FREM2: variants seen among roughly 807,000 people sequenced by gnomAD.
FREM2 encodes FRAS1 related extracellular matrix 2, also known as FRAS1-related extracellular matrix protein 2.
FREM2 carries 119 observed loss-of-function variants against 219.9 expected under a neutral mutation model. That is an observed-to-expected ratio of 0.54 (90% CI 0.47 to 0.63). FREM2 has a LOEUF of 0.63. Ranked by LOEUF, FREM2 falls within the 30% of genes least tolerant of loss-of-function variation. The pLI, the probability that FREM2 is intolerant of heterozygous loss-of-function variation, is 0.00. For missense variants in FREM2, 4,030 were observed against 3,993.6 expected (o/e 1.01, Z -0.25); for synonymous variants, 1,562 against 1,522.8 (o/e 1.03, Z -0.60).
intron 13 of FREM2, 101 bp downstream of exon 13, chr13:38,858,134 G>A (rs1349301258): frequency 9.9e-7 from 1 of 1,011,838 alleles, no homozygotes; most frequent in Non-Finnish European, 1.5e-6. Flanking sequence ...AATGAAAGTA[G>A]AAAAATACTA....
At chr13:38,813,520 TCTC>T (rs1875606852) in intron 6 of FREM2, among the ~76,000 whole-genome samples, 1 of 5,976 alleles carries the variant, frequency 1.7e-4, no homozygotes, top group Non-Finnish European at 3.4e-4. Flanking sequence ...CTCTCTCTCC[TCTC>T]TCTCTCTCTC....
At chr13:38,849,136 CAT>C (rs1877276094) in intron 8 of FREM2, among the ~76,000 whole-genome samples, 3 of 152,174 alleles carry the variant, frequency 2.0e-5, no homozygotes, top group Non-Finnish European at 2.9e-5. Context: ...GGGATTTCAA[CAT>C]ATGAATTTGA....
chr13:38,710,711 A>T (rs1870735589), intron 2 of FREM2, among the ~76,000 whole-genome samples: 1 of 152,242 alleles, frequency 6.6e-6, no homozygotes, highest in Non-Finnish European at 1.5e-5. Flanking sequence ...AGTCATAAAT[A>T]AATGTAAAGC....
chr13:38,760,645 G>A (rs1466814397), intron 2 of FREM2, among the ~76,000 whole-genome samples: 1 of 152,020 alleles, frequency 6.6e-6, no homozygotes, highest in Non-Finnish European at 1.5e-5. Context: ...AAAAGATTCA[G>A]TAATGAAAGA....
intron 7 of FREM2, among the ~76,000 whole-genome samples, chr13:38,848,048 CATAA>C (rs1450775532): frequency 2.6e-5 from 4 of 152,152 alleles, no homozygotes; most frequent in Non-Finnish European, 5.9e-5. Flanking sequence ...AGCAAAGATA[CATAA>C]ATACTTAATT....
At chr13:38,735,185 C>G (rs1353597099) in intron 2 of FREM2, among the ~76,000 whole-genome samples, 3 of 152,188 alleles carry the variant, frequency 2.0e-5, no homozygotes, top group Non-Finnish European at 4.4e-5. Flanking sequence ...CCTCACGACA[C>G]TGTCCCTTTT....
chr13:38,714,643 A>C (rs1404043404), intron 2 of FREM2, among the ~76,000 whole-genome samples: 2 of 152,192 alleles, frequency 1.3e-5, no homozygotes, highest in Non-Finnish European at 2.9e-5. Context: ...GCAAATGTTA[A>C]TCAGCTAGAT....
intron 6 of FREM2, among the ~76,000 whole-genome samples, chr13:38,789,434 G>T (rs1874465737): frequency 6.6e-6 from 1 of 150,480 alleles, no homozygotes; most frequent in South Asian, 2.1e-4. Context: ...TACTAATAAT[G>T]TTCTTCTATC....
chr13:38,761,749 A>G (rs960211864), intron 2 of FREM2, among the ~76,000 whole-genome samples: 2 of 152,166 alleles, frequency 1.3e-5, no homozygotes, highest in African/African-American at 4.8e-5. Flanking sequence ...GCAATAAGGA[A>G]TGGAAAGTGT....
At chr13:38,793,291 A>G (rs944450767) in intron 6 of FREM2, among the ~76,000 whole-genome samples, 2 of 152,228 alleles carry the variant, frequency 1.3e-5, no homozygotes, top group Admixed American at 6.5e-5. Flanking sequence ...TTCTCTACTA[A>G]GACAAGAACA....
At position 38,693,660 on chromosome 13, in the gene FREM2, C is replaced by T. The variant is rs1869992364; in HGVS notation, c.5173+1143C>T. Among the ~76,000 whole-genome samples the T allele has an allele frequency of 2.0e-5, 3 of 152,294 alleles. No individual in the cohort carries two copies. In the South Asian group the frequency reaches 6.2e-4, roughly 32 times the overall value. ...ATCCATGGGTAGAGATGGAGCTTAA[C>T]CCCAGGGCATCCCAGTGGGGGTGTT... On this transcript the variant is annotated intron_variant, in intron 1 of 23. Coordinates refer to ENST00000280481, the MANE Select transcript of FREM2 (RefSeq NM_207361.6).
chr13:38,863,472 A>G (rs1877837492), intron 15 of FREM2, among the ~76,000 whole-genome samples: 2 of 152,330 alleles, frequency 1.3e-5, no homozygotes, highest in Admixed American at 6.5e-5. Context: ...AGGAATTGTT[A>G]TTTATTCACT....
chr13:38,776,307 A>G (rs755412236), intron 4 of FREM2, among the ~76,000 whole-genome samples: 7 of 152,192 alleles, frequency 4.6e-5, no homozygotes, highest in Non-Finnish European at 1.0e-4. Context: ...GCCTTCATCC[A>G]TGTACTCTAT....
At chr13:38,708,474 T>A (rs1870628515) in intron 2 of FREM2, among the ~76,000 whole-genome samples, 1 of 151,980 alleles carries the variant, frequency 6.6e-6, no homozygotes, top group South Asian at 2.1e-4. Context: ...GACAACATGG[T>A]GAAACACTGT....
At chr13:38,788,826 G>T (rs1276225326) in intron 6 of FREM2, among the ~76,000 whole-genome samples, 2 of 152,058 alleles carry the variant, frequency 1.3e-5, no homozygotes, top group African/African-American at 4.8e-5. Context: ...ATTTTATCAG[G>T]TTAAGAAAAC....
chr13:38,765,012 G>A (rs967516600), intron 3 of FREM2, among the ~76,000 whole-genome samples: 7 of 152,142 alleles, frequency 4.6e-5, no homozygotes, highest in Admixed American at 3.3e-4. Context: ...CCAGGTTCAC[G>A]CCATTCTCCT....
chr13:38,716,654 C>T lies in FREM2; in HGVS notation c.5263+18867C>T, dbSNP rs975568124. Among the ~76,000 whole-genome samples the T allele has an allele frequency of 3.3e-5, 5 of 152,068 alleles. No homozygotes were observed. The East Asian group carries it at 9.7e-4, about 29-fold the overall frequency. The stretch of plus-strand genomic sequence containing the variant: ...TCCCAAGTAGCTGGGATTACAGGCA[C>T]CTGCCACCACACCCAGCTAAGTTTT... On this transcript the variant is annotated intron_variant, in intron 2 of 23. Coordinates refer to ENST00000280481, the MANE Select transcript of FREM2 (RefSeq NM_207361.6).
intron 6 of FREM2, among the ~76,000 whole-genome samples, chr13:38,822,411 C>G (rs914507581): frequency 6.9e-6 from 1 of 144,966 alleles, no homozygotes; most frequent in Non-Finnish European, 1.5e-5. Context: ...TTTGAGAGCA[C>G]ACTCCCTGCC....
At chr13:38,798,282 A>C (rs1490965236) in intron 6 of FREM2, among the ~76,000 whole-genome samples, 1 of 152,044 alleles carries the variant, frequency 6.6e-6, no homozygotes, top group Non-Finnish European at 1.5e-5. Flanking sequence ...ATGATTATTA[A>C]TCTGCATATG....
Sources: gnomAD v4.1 joint callset for allele counts (sites outside exome capture counted in the v4.1 genomes callset) on GRCh38, gnomAD v4.1.1 for gene constraint, MANE v1.5 for transcripts, NCBI Gene and HGNC (gene_info 2026-07-23, HGNC 2026-07-21) for gene names.